The following NOM1 variants were observed in gnomAD, a reference collection of about 807,000 sequenced individuals.
The protein encoded by NOM1 is nucleolar protein with MIF4G domain 1, also known as nucleolar MIF4G domain-containing protein 1.
Under a neutral mutation model 73.3 loss-of-function variants are expected in NOM1, and 58 were observed. The observed-to-expected ratio is 0.79, with a 90% confidence interval of 0.64 to 0.99. The LOEUF (loss-of-function observed/expected upper bound fraction) is 0.99, where lower values mean the gene tolerates loss of function less well. Ranked by LOEUF, NOM1 falls within the 50% of genes least tolerant of loss-of-function variation. The pLI, the probability that NOM1 is intolerant of heterozygous loss-of-function variation, is 0.00. For synonymous variants in NOM1, 487 were observed against 446.8 expected, an observed-to-expected ratio of 1.09 and a Z score of -1.14; for missense variants, 1,226 against 1,131.9, an observed-to-expected ratio of 1.08 and a Z score of -1.19.
intron 1 of NOM1, among the ~76,000 whole-genome samples, chr7:156,951,137 C>G (rs1804582299): frequency 6.6e-6 from 1 of 152,148 alleles, no homozygotes; most frequent in African/African-American, 2.4e-5. Context: ...TAGATAAAGT[C>G]CAACATTGAA....
chr7:156,957,654 A>AGTCCCTGC (rs1418900527), intron 3 of NOM1, among the ~76,000 whole-genome samples: 1 of 151,944 alleles, frequency 6.6e-6, no homozygotes, highest in East Asian at 1.9e-4. Flanking sequence ...AGGTGCCTAT[A>AGTCCCTGC]GTCCCTGCTA....
intron 10 of NOM1, 35 bp from the exon 11 acceptor site, chr7:156,969,494 C>A: frequency 6.3e-7 from 1 of 1,579,252 alleles, no homozygotes; most frequent in Admixed American, 1.8e-5. Context: ...GAGGCCAGCT[C>A]AGCCCTGACA....
Position 156,966,954 on chromosome 7 carries a change from A to G in NOM1, c.2167-7A>G, listed in dbSNP as rs377694491. The G allele has an allele frequency of 6.2e-7, 1 of 1,607,800 alleles. No homozygotes were observed. Among genetic ancestry groups the G allele is most frequent in the East Asian group, 2.2e-5 (1 of 44,826 alleles). The stretch of plus-strand genomic sequence containing the variant: ...TGCCTTTTTTCTCCTTTTAACTATG[A>G]TACTAGATGACTTTCCAGTTCAGCA... On this transcript the variant is annotated splice_polypyrimidine_tract_variant and splice_region_variant and intron_variant, in intron 8 of 10. Transcript: ENST00000275820.
intron 6 of NOM1, chr7:156,963,419 C>T (rs769424938): frequency 1.8e-6 from 1 of 547,118 alleles, no homozygotes; most frequent in Non-Finnish European, 3.3e-6. Flanking sequence ...GGCAGGGGAG[C>T]GCATGAGGAC....
Position 156,949,971 on chromosome 7 carries a change from G to A in NOM1, c.234G>A (p.Gly78=), listed in dbSNP as rs1219149789. 5.8e-6 allele frequency: 9 copies of A among 1,540,784 alleles called. No individual in the cohort carries two copies. The highest frequency in any genetic ancestry group is 4.8e-5 in the South Asian group (4 of 84,056). The change falls in exon 1 of 11, where the codon GGG becomes GGA. Residue 78 remains glycine (G), a synonymous_variant. Transcript: ENST00000275820. ...CCCCGGTGAGCTTTCGCCCGGGAGGGAGAAAAAGCCGTAAGGAACTGAGGA... is the reference window on the plus strand; with the variant it reads ...CCCCGGTGAGCTTTCGCCCGGGAGGAAGAAAAAGCCGTAAGGAACTGAGGA... ...RGAPVSFRPG[G]RKSRKELRKE...
chr7:156,950,343 C>G lies in NOM1; in HGVS notation c.606C>G (p.Asp202Glu). Residue 202 changes from aspartate to glutamate, a missense_variant, in exon 1 of 11, where the codon GAC (aspartate) becomes GAG (glutamate). Physicochemically the swap from Asp to Glu is conservative, Grantham distance 45. Transcript: ENST00000275820. ...GTTTGAACAAGCGCAAAAAGAAGGA[C>G]GGCAGCAGCTCCGTGCCGCTGAGCT... ...CLGLNKRKKK[D>E]GSSSVPLSFA... The G allele has an allele frequency of 6.2e-7, 1 of 1,614,092 alleles. No homozygotes were observed. Among genetic ancestry groups the G allele is most frequent in the Middle Eastern group, 1.6e-4 (1 of 6,062 alleles).
At position 156,971,522 on chromosome 7, in the gene NOM1, G is replaced by A. The variant is rs1237323875; in HGVS notation, c.*1819G>A. 2 of 152,346 alleles carry A rather than the reference G, an allele frequency of 1.3e-5. No individual in the cohort carries two copies. The highest frequency in any genetic ancestry group is 6.5e-5 in the Admixed American group (1 of 15,308). The allele number at this position is 152,346 out of a possible 1,614,324, so 9.4% of individuals were successfully genotyped here. Reference sequence around the variant, plus strand: ...TTGCCTCAGCCTCGCGGATAGCTAGGACCACAAGCAGTAGAGACAAGATCT... The same window carrying A: ...TTGCCTCAGCCTCGCGGATAGCTAGAACCACAAGCAGTAGAGACAAGATCT... On this transcript the variant is annotated 3_prime_UTR_variant, in exon 11 of 11. Coordinates refer to ENST00000275820, the MANE Select transcript of NOM1 (RefSeq NM_138400.2).
rs56659276 is a variant in NOM1 at position 156,954,856 on chromosome 7, G to A, written c.1308+558G>A. On this transcript the variant is annotated intron_variant, in intron 3 of 10. Transcript: ENST00000275820. ...TTTTATGTTAGTTAATTTTCTTCTC[G>A]ACTGACATCTCAGACGTGCCTTCAT... 9.2e-3 allele frequency among the ~76,000 whole-genome samples: 1,404 copies of A among 152,214 alleles called. 26 individuals are homozygous for A. Among genetic ancestry groups the A allele is most frequent in the African/African-American group, 0.03 (1,234 of 41,544 alleles).
chr7:156,965,272 G>A (rs1458381578), intron 7 of NOM1, among the ~76,000 whole-genome samples: 1 of 152,224 alleles, frequency 6.6e-6, no homozygotes, highest in Non-Finnish European at 1.5e-5. Context: ...ATACCCCTCA[G>A]TTGGGGAAAG....
intron 9 of NOM1, among the ~76,000 whole-genome samples, chr7:156,968,210 C>T (rs1010088440): frequency 6.6e-6 from 1 of 152,224 alleles, no homozygotes; most frequent in Non-Finnish European, 1.5e-5. Flanking sequence ...GCTCCCCTGC[C>T]TTGCCTTTCG....
In NOM1 at chr7:156,950,415, G is replaced by A. The variant is rs751931503; in HGVS notation, c.678G>A (p.Gly226=). ...ATATTCTGGGAGCCCTGGAGTCTGG[G>A]AAAAATAGCGGCTTGTACGACAGCA... ...LDYILGALES[G]KNSGLYDSSG... is the part of the protein sequence containing the mutation. The change falls in exon 1 of 11, where the codon GGG becomes GGA. Residue 226 remains glycine, a synonymous_variant. Transcript: ENST00000275820. 3 of 1,614,114 alleles carry A rather than the reference G, an allele frequency of 1.9e-6. No homozygotes were observed. In the Admixed American group the frequency reaches 5.0e-5, roughly 27 times the overall value.
intron 1 of NOM1, among the ~76,000 whole-genome samples, chr7:156,951,590 A>T (rs1467295238): frequency 6.6e-6 from 1 of 152,168 alleles, no homozygotes; most frequent in African/African-American, 2.4e-5. Context: ...AATATTCTTT[A>T]TTGAACCAGG....
intron 2 of NOM1, among the ~76,000 whole-genome samples, chr7:156,953,170 C>G (rs1804635517): frequency 6.6e-6 from 1 of 152,168 alleles, no homozygotes; most frequent in Non-Finnish European, 1.5e-5. Context: ...GCTGCACTGG[C>G]TGGAGTGCAA....
At chr7:156,951,347 A>G (rs1185838120) in intron 1 of NOM1, among the ~76,000 whole-genome samples, 1 of 152,130 alleles carries the variant, frequency 6.6e-6, no homozygotes, top group Non-Finnish European at 1.5e-5. Flanking sequence ...AGATCGCGCT[A>G]CTGCACTCTA....
chr7:156,968,008 C>T (rs1805043624), intron 9 of NOM1, among the ~76,000 whole-genome samples: 1 of 152,196 alleles, frequency 6.6e-6, no homozygotes, highest in Non-Finnish European at 1.5e-5. Context: ...AAGACAGCCG[C>T]AGCCACAGCT....
intron 7 of NOM1, among the ~76,000 whole-genome samples, chr7:156,965,810 A>C (rs372960057): frequency 6.6e-6 from 1 of 152,082 alleles, no homozygotes; most frequent in Admixed American, 6.6e-5. Context: ...GCTACTCGGG[A>C]GGCTGAGGTA....
At chr7:156,957,773 T>C (rs1804761017) in intron 3 of NOM1, among the ~76,000 whole-genome samples, 1 of 32,540 alleles carries the variant, frequency 3.1e-5, no homozygotes, top group Non-Finnish European at 5.1e-5. Flanking sequence ...AGACTCCGTC[T>C]CAAAAAAAAA....
Position 156,962,174 on chromosome 7 carries a change from G to A in NOM1, c.1656G>A (p.Met552Ile), listed in dbSNP as rs769295030. Residue 552 changes from methionine to isoleucine, a missense_variant, in exon 5 of 11, where the codon ATG (methionine) becomes ATA (isoleucine). By Grantham distance (10) the Met-to-Ile change is conservative (BLOSUM62 1). Transcript: ENST00000275820. ...QTRIRFMLET[M>I]LALKNNDMRK... ...AGATTCGGTTTATGCTAGAGACGAT[G>A]TTGGCCCTGAAGAACAATGACATGC... 1 of 1,614,104 alleles carries A rather than the reference G, an allele frequency of 6.2e-7. No individual in the cohort carries two copies. Among genetic ancestry groups the A allele is most frequent in the South Asian group, 1.1e-5 (1 of 91,082 alleles).
chr7:156,965,080 C>T (rs1804961222), intron 7 of NOM1, among the ~76,000 whole-genome samples: 2 of 152,234 alleles, frequency 1.3e-5, no homozygotes, highest in African/African-American at 4.8e-5. Flanking sequence ...GCAGCTGAAA[C>T]TCAGTTGGTT....
Sources: allele counts gnomAD v4.1 joint callset (sites outside exome capture counted in the v4.1 genomes callset), GRCh38; gene constraint gnomAD v4.1.1; transcripts MANE v1.5; gene names NCBI Gene and HGNC (gene_info 2026-07-23, HGNC 2026-07-21).